The following ADAM9 variants were observed in gnomAD, a reference collection of about 807,000 sequenced individuals.
ADAM9 encodes ADAM metallopeptidase domain 9, also known as disintegrin and metalloproteinase domain-containing protein 9.
In ADAM9, 54 loss-of-function variants were observed where a neutral mutation model predicts 108.1. The observed-to-expected ratio is 0.50, with a 90% CI of 0.40 to 0.63. The LOEUF (loss-of-function observed/expected upper bound fraction) is 0.63, where lower values mean the gene tolerates loss of function less well. ADAM9 is among the 20% of genes least tolerant of loss of function. The pLI is 0.00. For synonymous variants in ADAM9, 316 were observed against 336.0 expected (o/e 0.94, Z 0.65); for missense variants, 830 against 997.7 (o/e 0.83, Z 2.26).
chr8:38,997,943 A>G (rs890726724), intron 1 of ADAM9, among the ~76,000 whole-genome samples: 2 of 152,246 alleles, frequency 1.3e-5, no homozygotes, highest in Non-Finnish European at 2.9e-5. Context: ...TGACTATGTA[A>G]GATACTTGTA....
intron 12 of ADAM9, 133 bp from the exon 13 acceptor site, chr8:39,054,347 GC>G (rs1838047598): frequency 2.7e-6 from 2 of 752,126 alleles, no homozygotes; most frequent in South Asian, 3.0e-5. Flanking sequence ...GAAACAGTAA[GC>G]AACTGTTTCT....
intron 14 of ADAM9, among the ~76,000 whole-genome samples, chr8:39,060,409 G>T (rs1838262223): frequency 1.3e-5 from 2 of 152,170 alleles, no homozygotes; most frequent in Non-Finnish European, 2.9e-5. Flanking sequence ...CTCAAAACTA[G>T]CAGCTCTTTG....
intron 10 of ADAM9, among the ~76,000 whole-genome samples, chr8:39,026,123 CAT>C (rs768023586): frequency 2.0e-5 from 3 of 152,266 alleles, no homozygotes; most frequent in African/African-American, 4.8e-5. Flanking sequence ...TTCTGGGACA[CAT>C]GTGCAGAATG....
intron 11 of ADAM9, among the ~76,000 whole-genome samples, chr8:39,037,033 A>G (rs1021881834): frequency 7.1e-4 from 106 of 150,000 alleles, no homozygotes; most frequent in African/African-American, 2.6e-3. Flanking sequence ...AGGACTATAC[A>G]TATGCCTGCG....
chr8:39,041,910 C>T, intron 11 of ADAM9, 36 bp from the exon 12 acceptor site: 1 of 1,597,354 alleles, frequency 6.3e-7, no homozygotes, highest in Admixed American at 1.7e-5. Flanking sequence ...TGAGTAATCA[C>T]TGTGACATAG....
At position 39,089,979 on chromosome 8, in the gene ADAM9, TA is replaced by T; in HGVS notation, c.2069-67del. On this transcript the variant is annotated intron_variant, in intron 18 of 21. Coordinates refer to ENST00000487273, the MANE Select transcript of ADAM9 (RefSeq NM_003816.3). ...AATGTGAAAATTAATGTAAAGTGTT[TA>T]TAATCATCTAGTATTTTCTGCCTAG... 9 of 1,456,760 alleles carry T rather than the reference TA, an allele frequency of 6.2e-6. No homozygotes were observed. In the South Asian group the frequency reaches 1.0e-4, roughly 17 times the overall value. 90.2% of individuals were successfully genotyped at this position (1,456,760 alleles called of 1,614,324 possible). A position where few individuals can be genotyped will look rare whatever the true frequency, so the allele number is the denominator to read the frequency against.
In ADAM9 at chr8:38,997,180, G is replaced by A; in HGVS notation, c.97+20G>A. ...GGCCAGGTGGGTGTCCGCGCCCCGG[G>A]TCGGTTGGGACGGCTGCTTCCTAGG... On this transcript the variant is annotated intron_variant, in intron 1 of 21. Coordinates refer to ENST00000487273, the MANE Select transcript of ADAM9 (RefSeq NM_003816.3). 6.3e-7 allele frequency: 1 copy of A among 1,593,794 alleles called. No homozygotes were observed. The highest frequency in any genetic ancestry group is 8.5e-7 in the Non-Finnish European group (1 of 1,176,884).
Position 39,105,111 on chromosome 8 carries a change from A to G in ADAM9, c.*1411A>G, listed in dbSNP as rs1839824744. Reference sequence around the variant, plus strand: ...AAATTTTTACAGATATTATCTCACTAATTTTCAGACTTTTGCCAAAGTGTG... The same window carrying G: ...AAATTTTTACAGATATTATCTCACTGATTTTCAGACTTTTGCCAAAGTGTG... On this transcript the variant is annotated 3_prime_UTR_variant, in exon 22 of 22. Coordinates refer to ENST00000487273, the MANE Select transcript of ADAM9 (RefSeq NM_003816.3). 2.5e-6 allele frequency: 1 copy of G among 405,658 alleles called. No homozygotes were observed. Among genetic ancestry groups the G allele is most frequent in the Non-Finnish European group, 4.7e-6 (1 of 210,974 alleles). The allele number at this position is 405,658 out of a possible 1,614,324, so 25.1% of individuals were successfully genotyped here. A position where few individuals can be genotyped will look rare whatever the true frequency, so the allele number is the denominator to read the frequency against.
At chr8:39,060,735 C>T (rs1278053788) in intron 14 of ADAM9, among the ~76,000 whole-genome samples, 2 of 152,162 alleles carry the variant, frequency 1.3e-5, no homozygotes, top group African/African-American at 2.4e-5. Flanking sequence ...TTTTCAATGA[C>T]TAGTGTGATA....
intron 2 of ADAM9, among the ~76,000 whole-genome samples, chr8:39,008,429 C>A (rs1191364146): frequency 1.3e-5 from 2 of 152,166 alleles, no homozygotes; most frequent in Non-Finnish European, 2.9e-5. Context: ...CTGCCTCGGC[C>A]TTGCAAAGTG....
chr8:39,007,424 TA>T lies in ADAM9; in HGVS notation c.98-461del, dbSNP rs1393311363. Among the ~76,000 whole-genome samples, 3 of 152,302 alleles carry T rather than the reference TA, an allele frequency of 2.0e-5. No homozygotes were observed. The East Asian group carries it at 5.8e-4, about 29-fold the overall frequency. On this transcript the variant is annotated intron_variant, in intron 1 of 21. Coordinates refer to ENST00000487273, the MANE Select transcript of ADAM9 (RefSeq NM_003816.3). ...CATACAAACTGTAGCAGTAAGTATT[TA>T]GTAGTATCATCTGAGAGGATGTTAT...
At chr8:39,038,588 C>G (rs1837357479) in intron 11 of ADAM9, among the ~76,000 whole-genome samples, 1 of 152,174 alleles carries the variant, frequency 6.6e-6, no homozygotes, top group South Asian at 2.1e-4. Context: ...AAGTAAATCA[C>G]TGAATCATAA....
chr8:39,071,085 A>C (rs571378574), intron 14 of ADAM9, among the ~76,000 whole-genome samples: 11 of 152,176 alleles, frequency 7.2e-5, no homozygotes, highest in Admixed American at 4.6e-4. Flanking sequence ...CTAACTTTTA[A>C]GTACAACTTA....
At chr8:39,076,300 A>C (rs1838848212) in intron 15 of ADAM9, 1 of 152,190 alleles carries the variant, frequency 6.6e-6, no homozygotes, top group South Asian at 2.1e-4. Flanking sequence ...GCTGCATAAT[A>C]ATTGTCCTAA....
chr8:38,997,360 C>G (rs1393702315), intron 1 of ADAM9, among the ~76,000 whole-genome samples, 200 bp downstream of exon 1: 1 of 152,092 alleles, frequency 6.6e-6, no homozygotes, highest in Admixed American at 6.5e-5. Context: ...CTTCTTGGCC[C>G]GGGTCCTCTG....
intron 5 of ADAM9, 100 bp downstream of exon 5, chr8:39,016,294 A>C (rs1192522629): frequency 9.3e-7 from 1 of 1,070,004 alleles, no homozygotes; most frequent in Admixed American, 1.7e-5. Context: ...CACTTAGCAA[A>C]ATTGGAATTT....
chr8:39,021,562 G>A, intron 7 of ADAM9, 81 bp from the exon 8 acceptor site: 1 of 1,249,554 alleles, frequency 8.0e-7, no homozygotes, highest in Non-Finnish European at 1.2e-6. Context: ...AGAATTACAG[G>A]CATGAGGTAC....
chr8:39,072,665 C>G (rs1263193398), intron 15 of ADAM9, among the ~76,000 whole-genome samples: 3 of 152,218 alleles, frequency 2.0e-5, no homozygotes, highest in African/African-American at 7.2e-5. Flanking sequence ...AGCATGCTGT[C>G]TTTCCCCCTC....
intron 11 of ADAM9, among the ~76,000 whole-genome samples, chr8:39,034,809 C>G (rs1837215806): frequency 6.7e-6 from 1 of 148,748 alleles, no homozygotes; most frequent in African/African-American, 2.5e-5. Context: ...TGTCTTTAAA[C>G]TTTTTTTTTT....
Sources: gnomAD v4.1 joint callset for allele counts (sites outside exome capture counted in the v4.1 genomes callset) on GRCh38, gnomAD v4.1.1 for gene constraint, MANE v1.5 for transcripts, NCBI Gene and HGNC (gene_info 2026-07-23, HGNC 2026-07-21) for gene names.